The following MBTPS1 variants were observed in gnomAD, a reference collection of about 807,000 sequenced individuals.
MBTPS1 encodes the protein membrane bound transcription factor peptidase, site 1.
A neutral mutation model predicts 127.8 loss-of-function variants in MBTPS1; 94 were observed. The ratio of observed to expected loss-of-function variants is 0.74; its 90% CI spans 0.62 to 0.87. The LOEUF (loss-of-function observed/expected upper bound fraction) is 0.87. MBTPS1 is among the 40% of genes least tolerant of loss of function. MBTPS1 has a pLI of 0.00. For synonymous variants in MBTPS1, 632 were observed against 509.4 expected (o/e 1.24, Z -3.24); for missense variants, 1,636 against 1,353.2 (o/e 1.21, Z -3.28).
chr16:84,082,754 G>C (rs966466289), intron 10 of MBTPS1, among the ~76,000 whole-genome samples: 6 of 152,168 alleles, frequency 3.9e-5, no homozygotes, highest in African/African-American at 1.4e-4. Flanking sequence ...AAGTAGAGGA[G>C]ATAAAGTAGA....
At chr16:84,114,372 T>C (rs1301919792) in intron 1 of MBTPS1, among the ~76,000 whole-genome samples, 1 of 152,162 alleles carries the variant, frequency 6.6e-6, no homozygotes, top group African/African-American at 2.4e-5. Context: ...TCCCAATGTA[T>C]CACTACAGTC....
intron 1 of MBTPS1, chr16:84,110,566 T>G (rs994307636): frequency 2.6e-5 from 4 of 152,134 alleles, no homozygotes; most frequent in Non-Finnish European, 5.9e-5. Flanking sequence ...AAATCCAAAA[T>G]AAGAAAAACA....
chr16:84,108,004 C>G (rs2086347963), intron 1 of MBTPS1, among the ~76,000 whole-genome samples: 1 of 151,362 alleles, frequency 6.6e-6, no homozygotes, highest in Admixed American at 6.6e-5. Context: ...CTGTGTCTGG[C>G]CTGGGCCTAA....
Position 84,098,532 on chromosome 16 carries a change from C to T in MBTPS1, c.421+521G>A, listed in dbSNP as rs549442820. On this transcript the variant is annotated intron_variant, in intron 3 of 22. Transcript: ENST00000343411. ...GGCTAAGGCAGGAGAATCACTTGAACCTGGGTGGAGGTTGAGGTGAGCCAA... is the reference window on the plus strand; with the variant it reads ...GGCTAAGGCAGGAGAATCACTTGAATCTGGGTGGAGGTTGAGGTGAGCCAA... 8.0e-5 allele frequency among the ~76,000 whole-genome samples: 11 copies of T among 137,318 alleles called. No individual in the cohort carries two copies. In the South Asian group the frequency reaches 2.6e-3, roughly 32 times the overall value. The allele number at this position is 137,318 out of a possible 152,430, so 90.1% of individuals were successfully genotyped here.
In MBTPS1 at chr16:84,071,789, G is replaced by T. The variant is rs955822849; in HGVS notation, c.1594-1013C>A. On this transcript the variant is annotated intron_variant, in intron 12 of 22. Transcript: ENST00000343411. ...CCCACCACAGTAAGTAATATTAAAG[G>T]GAAAAGAGCATCACCTGGAGGAACA... 9.2e-5 allele frequency: 14 copies of T among 152,116 alleles called. No homozygotes were observed. In the East Asian group the frequency reaches 1.2e-3, roughly 13 times the overall value. The allele number at this position is 152,116 out of a possible 1,614,324, so 9.4% of individuals were successfully genotyped here.
chr16:84,071,965 A>C (rs1208169073), intron 12 of MBTPS1: 1 of 152,346 alleles, frequency 6.6e-6, no homozygotes, highest in African/African-American at 2.4e-5. Context: ...AAACACAACC[A>C]AAGATACCCA....
chr16:84,114,816 G>A (rs1182764762), intron 1 of MBTPS1, among the ~76,000 whole-genome samples: 3 of 140,972 alleles, frequency 2.1e-5, no homozygotes, highest in Middle Eastern at 3.9e-3. Context: ...GCGACAGAGC[G>A]AGACTCTGTC....
intron 3 of MBTPS1, among the ~76,000 whole-genome samples, chr16:84,097,471 C>T (rs2086192208): frequency 6.6e-6 from 1 of 152,154 alleles, no homozygotes; most frequent in Non-Finnish European, 1.5e-5. Flanking sequence ...ACGCAGTGGG[C>T]AAGTCTCCCC....
At chr16:84,075,708 G>C (rs1264370738) in intron 11 of MBTPS1, 1 of 152,216 alleles carries the variant, frequency 6.6e-6, no homozygotes. Flanking sequence ...AGATGTATCT[G>C]GGCCAACTGA....
chr16:84,085,716 G>T (rs1326301240), intron 9 of MBTPS1, among the ~76,000 whole-genome samples: 1 of 151,962 alleles, frequency 6.6e-6, no homozygotes, highest in Non-Finnish European at 1.5e-5. Context: ...GCAATTAAAA[G>T]ATAAGTATTT....
chr16:84,057,131 G>A (rs985589889), intron 21 of MBTPS1: 3 of 152,214 alleles, frequency 2.0e-5, no homozygotes, highest in African/African-American at 7.2e-5. Flanking sequence ...CTGAGTAGAG[G>A]TTCCCTAGGC....
intron 1 of MBTPS1, among the ~76,000 whole-genome samples, chr16:84,103,256 A>ATTATTT (rs2086281881): frequency 7.3e-6 from 1 of 137,526 alleles, no homozygotes; most frequent in Non-Finnish European, 1.5e-5. Flanking sequence ...TATTATTATT[A>ATTATTT]TTTTTTTTTT....
In MBTPS1 at chr16:84,101,726, G is replaced by A. The variant is rs370948545; in HGVS notation, c.58C>T (p.His20Tyr). ...LLVVLLCGKKHLGDRLEKKSF... is the reference protein window; with the variant it reads ...LLVVLLCGKKYLGDRLEKKSF... ...TTCTTTTCCAGTCTGTCGCCCAGAT[G>A]TTTCTTCCCACAGAGCAAAACCACG... The change falls in exon 2 of 23, where the codon CAT becomes TAT. Residue 20 changes from histidine to tyrosine, a missense_variant. By Grantham distance (83) the His-to-Tyr change is moderately conservative (BLOSUM62 2). Transcript: ENST00000343411. 9.3e-6 allele frequency: 15 copies of A among 1,614,052 alleles called. No homozygotes were observed. The highest frequency in any genetic ancestry group is 6.7e-5 in the African/African-American group (5 of 74,924).
In MBTPS1 at chr16:84,095,842, C is replaced by G. The variant is rs779613589; in HGVS notation, c.422-37G>C. 4 of 1,558,528 alleles carry G rather than the reference C, an allele frequency of 2.6e-6. No individual in the cohort carries two copies. In the East Asian group the frequency reaches 9.0e-5, roughly 35 times the overall value. ...GGAGAGAAAGATCAGAACAGAAGAG[C>G]AAAACGAACTACACGATACCCGCCA... On this transcript the variant is annotated intron_variant, in intron 3 of 22. Coordinates refer to ENST00000343411, the MANE Select transcript of MBTPS1 (RefSeq NM_003791.4).
In MBTPS1 at chr16:84,070,834, T is replaced by C. The variant is rs545373384; in HGVS notation, c.1594-58A>G. 6.5e-6 allele frequency: 9 copies of C among 1,393,190 alleles called. 1 individual carries two copies. In the East Asian group the frequency reaches 2.1e-4, roughly 32 times the overall value. 86.3% of individuals were successfully genotyped at this position (1,393,190 alleles called of 1,614,324 possible). On this transcript the variant is annotated intron_variant, in intron 12 of 22. Transcript: ENST00000343411. The stretch of plus-strand genomic sequence containing the variant: ...GTGAAAAGCTCCAGGAGAAAACACG[T>C]GGAAACCAGAAAAACTCAATTCTTA...
intron 10 of MBTPS1, among the ~76,000 whole-genome samples, 174 bp downstream of exon 10, chr16:84,084,809 A>G (rs2085996038): frequency 1.3e-5 from 2 of 152,258 alleles, no homozygotes; most frequent in African/African-American, 4.8e-5. Context: ...ACTATAAAAG[A>G]AGTGACTCCT....
chr16:84,112,649 G>A (rs1004903209), intron 1 of MBTPS1, among the ~76,000 whole-genome samples: 3 of 135,608 alleles, frequency 2.2e-5, no homozygotes, highest in African/African-American at 5.5e-5. Context: ...GCAACAGAGC[G>A]AGACTCGGTC....
chr16:84,062,817 A>G (rs940783338), intron 19 of MBTPS1, among the ~76,000 whole-genome samples: 1 of 152,244 alleles, frequency 6.6e-6, no homozygotes, highest in Non-Finnish European at 1.5e-5. Flanking sequence ...CCTCGAGATA[A>G]CAAACGCTCT....
At chr16:84,092,290 A>G (rs1312447586) in intron 6 of MBTPS1, among the ~76,000 whole-genome samples, 1 of 152,250 alleles carries the variant, frequency 6.6e-6, no homozygotes, top group East Asian at 1.9e-4. Context: ...AGTAACAGTT[A>G]TTTCACAGTA....
Sources: gnomAD v4.1 joint callset for allele counts (sites outside exome capture counted in the v4.1 genomes callset) on GRCh38, gnomAD v4.1.1 for gene constraint, MANE v1.5 for transcripts, NCBI Gene and HGNC (gene_info 2026-07-23, HGNC 2026-07-21) for gene names.